Variants in SEMA5A observed in about 807,000 individuals in gnomAD.
SEMA5A encodes semaphorin-5A.
A neutral mutation model predicts 135.5 loss-of-function variants in SEMA5A; 55 were observed. That is an observed-to-expected ratio of 0.41 (90% CI 0.33 to 0.51). The LOEUF is 0.51. Among genes scored for constraint, SEMA5A ranks in the 20% least tolerant of loss-of-function variants. The pLI is 0.37. For synonymous variants in SEMA5A, 580 were observed against 546.5 expected (o/e 1.06, Z -0.85); for missense variants, 1,290 against 1,419.9 (o/e 0.91, Z 1.47).
intron 5 of SEMA5A, among the ~76,000 whole-genome samples, chr5:9,311,572 A>G (rs2150646413): frequency 7.6e-6 from 1 of 131,858 alleles, no homozygotes; most frequent in South Asian, 2.8e-4. Context: ...GAAGGGGAAC[A>G]TCACACTCCG....
chr5:9,510,038 C>T (rs1167168350), intron 1 of SEMA5A, among the ~76,000 whole-genome samples: 1 of 152,132 alleles, frequency 6.6e-6, no homozygotes, highest in East Asian at 1.9e-4. Context: ...GAAGGACTCT[C>T]TGGTGAGGCA....
chr5:9,096,805 C>CTTGA (rs2150134031), intron 16 of SEMA5A, among the ~76,000 whole-genome samples: 1 of 152,092 alleles, frequency 6.6e-6, no homozygotes, highest in East Asian at 1.9e-4. Context: ...GAAATTTCTC[C>CTTGA]AAAGACATAA....
chr5:9,300,252 TC>T (rs1420504389), intron 5 of SEMA5A, among the ~76,000 whole-genome samples: 1 of 152,142 alleles, frequency 6.6e-6, no homozygotes, highest in Non-Finnish European at 1.5e-5. Context: ...GGTCTCAAAC[TC>T]CTGGGTTCAA....
chr5:9,499,051 A>G (rs1400941183), intron 1 of SEMA5A, among the ~76,000 whole-genome samples: 1 of 152,214 alleles, frequency 6.6e-6, no homozygotes, highest in Non-Finnish European at 1.5e-5. Context: ...GGATGTAAAC[A>G]TAGGCAGCGA....
intron 1 of SEMA5A, among the ~76,000 whole-genome samples, chr5:9,532,146 G>A (rs13160573): frequency 3.3e-5 from 5 of 152,110 alleles, no homozygotes; most frequent in African/African-American, 4.8e-5. Context: ...TGCCACATCA[G>A]TTTAGGACAA....
intron 1 of SEMA5A, among the ~76,000 whole-genome samples, chr5:9,439,153 G>C (rs780172551): frequency 6.6e-6 from 1 of 152,164 alleles, no homozygotes; most frequent in Non-Finnish European, 1.5e-5. Context: ...AAAAGTCCGT[G>C]ACATCATCCT....
intron 1 of SEMA5A, chr5:9,517,217 G>A (rs930337572): frequency 2.0e-5 from 3 of 152,226 alleles, no homozygotes. Context: ...AACCAATTCT[G>A]TGAAGCCTAT....
chr5:9,543,527 G>C (rs1466394966), intron 1 of SEMA5A, among the ~76,000 whole-genome samples: 1 of 152,184 alleles, frequency 6.6e-6, no homozygotes, highest in Non-Finnish European at 1.5e-5. Context: ...TCGCAGCAGG[G>C]ATCTCGCAGC....
At chr5:9,413,601 G>A (rs557575933) in intron 2 of SEMA5A, among the ~76,000 whole-genome samples, 1 of 152,304 alleles carries the variant, frequency 6.6e-6, no homozygotes, top group South Asian at 2.1e-4. Context: ...GGCTAAAAGG[G>A]CGTAGAAGAA....
At chr5:9,526,937 C>A (rs1357376000) in intron 1 of SEMA5A, among the ~76,000 whole-genome samples, 1 of 152,158 alleles carries the variant, frequency 6.6e-6, no homozygotes, top group Non-Finnish European at 1.5e-5. Flanking sequence ...AATCACAAAA[C>A]CAACTGAAAA....
chr5:9,437,466 C>T (rs1758074138), intron 2 of SEMA5A, among the ~76,000 whole-genome samples: 2 of 152,180 alleles, frequency 1.3e-5, no homozygotes, highest in Non-Finnish European at 2.9e-5. Context: ...AAGTGATCCT[C>T]ATGCCTCAGC....
rs753543004 is a variant in SEMA5A at position 9,224,713 on chromosome 5, G to A, written c.607C>T (p.Pro203Ser). 2 of 1,614,056 alleles carry A rather than the reference G, an allele frequency of 1.2e-6. No homozygotes were observed. Among genetic ancestry groups the A allele is most frequent in the South Asian group, 2.2e-5 (2 of 91,078 alleles). The change falls in exon 8 of 23, where the codon CCT (proline) becomes TCT (serine). Residue 203 changes from proline to serine, a missense_variant. Around this residue, in one of 3 missense-constraint regions of SEMA5A, gnomAD observed 145 missense variants for 212.0 expected, o/e 0.68. Transcript: ENST00000382496. Reference protein sequence around the residue: ...AIYRSLGILPPLRTAQYNSKW... With the variant: ...AIYRSLGILPSLRTAQYNSKW... ...GAGTTGTACTGCGCCGTGCGGAGAGGAGGTAAAATGCCTAGGCTTCGGTAA... is the reference window on the plus strand; with the variant it reads ...GAGTTGTACTGCGCCGTGCGGAGAGAAGGTAAAATGCCTAGGCTTCGGTAA...
chr5:9,499,650 A>G (rs1735479427), intron 1 of SEMA5A, among the ~76,000 whole-genome samples: 1 of 152,264 alleles, frequency 6.6e-6, no homozygotes, highest in Admixed American at 6.5e-5. Context: ...AGAAATGGAC[A>G]GTTCAGTTCT....
intron 11 of SEMA5A, among the ~76,000 whole-genome samples, chr5:9,162,564 G>A (rs201870096): frequency 0.3 from 24,642 of 82,822 alleles, 3,171 homozygotes; most frequent in Admixed American, 0.33. Context: ...GTGTGTGTGT[G>A]TATATATATA....
At chr5:9,514,674 T>C (rs895495806) in intron 1 of SEMA5A, among the ~76,000 whole-genome samples, 2 of 152,224 alleles carry the variant, frequency 1.3e-5, no homozygotes, top group Non-Finnish European at 2.9e-5. Flanking sequence ...AGAAAAAGTC[T>C]GTACATGTTC....
intron 1 of SEMA5A, among the ~76,000 whole-genome samples, chr5:9,544,030 C>A (rs1396481448): frequency 6.6e-6 from 1 of 152,126 alleles, no homozygotes; most frequent in African/African-American, 2.4e-5. Context: ...ATGAAACTGG[C>A]ATTAATTAGC....
intron 16 of SEMA5A, among the ~76,000 whole-genome samples, chr5:9,085,019 T>C (rs1330641844): frequency 6.6e-6 from 1 of 152,162 alleles, no homozygotes; most frequent in Non-Finnish European, 1.5e-5. Context: ...GGTGGCATTT[T>C]CCCCCTGCTC....
chr5:9,292,151 T>C (rs1480533957), intron 5 of SEMA5A, among the ~76,000 whole-genome samples: 1 of 152,208 alleles, frequency 6.6e-6, no homozygotes, highest in East Asian at 1.9e-4. Flanking sequence ...TTCTTGGACT[T>C]ATACAAGTAT....
At chr5:9,230,954 T>A (rs42495) in intron 6 of SEMA5A, among the ~76,000 whole-genome samples, 2 of 152,076 alleles carry the variant, frequency 1.3e-5, no homozygotes, top group African/African-American at 4.8e-5. Flanking sequence ...CCGTTCTTAC[T>A]CCCTTAAAGG....
Sources: gnomAD v4.1 joint callset for allele counts (sites outside exome capture counted in the v4.1 genomes callset) on GRCh38, gnomAD v4.1.1 for gene constraint, gnomAD v4.1.1 regional missense constraint, MANE v1.5 for transcripts, NCBI Gene and HGNC (gene_info 2026-07-23, HGNC 2026-07-21) for gene names.